WFDC8: variants seen among roughly 807,000 people sequenced by gnomAD.
WFDC8 encodes the protein WAP four-disulfide core domain protein 8.
Under a neutral mutation model 27.0 loss-of-function variants are expected in WFDC8, and 24 were observed. The ratio of observed to expected loss-of-function variants is 0.89; its 90% confidence interval spans 0.64 to 1.25. The LOEUF (loss-of-function observed/expected upper bound fraction) is 1.25, where lower values mean the gene tolerates loss of function less well. Ranked by LOEUF, WFDC8 falls within the 50% of genes most tolerant of loss-of-function variation. The pLI is 0.00. For missense variants in WFDC8, 287 were observed against 295.9 expected (o/e 0.97, Z 0.22); for synonymous variants, 106 against 99.7 (o/e 1.06, Z -0.38).
intron 1 of WFDC8, among the ~76,000 whole-genome samples, chr20:45,563,202 G>A (rs117360918): frequency 0.016 from 2,433 of 152,238 alleles, 30 homozygotes; most frequent in Admixed American, 0.029. Flanking sequence ...CTCTGGTCAT[G>A]GAAATTATGA....
chr20:45,555,862 C>A lies in WFDC8; in HGVS notation c.284G>T (p.Cys95Phe), dbSNP rs760858169. 1.9e-6 allele frequency: 3 copies of A among 1,613,660 alleles called. No homozygotes were observed. ...GTTTCCATGCCTCACAGGTAGCATG[C>A]AGGGTTCTGAGGTCAGGAAGCAAGG... ...KKCMDPFQEPCMLPVRHGNCN... is the reference protein window; with the variant it reads ...KKCMDPFQEPFMLPVRHGNCN... Residue 95 changes from cysteine to phenylalanine, a missense_variant, in exon 4 of 6, where the codon TGC (cysteine) becomes TTC (phenylalanine). Coordinates refer to ENST00000289953, the MANE Select transcript of WFDC8 (RefSeq NM_130896.3).
At chr20:45,551,633 G>A (rs56210135), downstream of WFDC8, 8,999 of 141,352 alleles carry the variant, frequency 0.064, 451 homozygotes, top group East Asian at 0.22. Context: ...AAAAAAAAAA[G>A]AAAGAAAGAA....
chr20:45,559,418 C>G (rs1379416157), intron 2 of WFDC8, among the ~76,000 whole-genome samples: 1 of 152,200 alleles, frequency 6.6e-6, no homozygotes, highest in African/African-American at 2.4e-5. Context: ...CTGGTAAACT[C>G]AAGACCAATC....
intron 1 of WFDC8, chr20:45,568,845 C>A: frequency 9.8e-6 from 3 of 306,114 alleles, no homozygotes; most frequent in South Asian, 9.5e-5. Context: ...GAAAATAGTC[C>A]ATGAAAGAAA....
intron 2 of WFDC8, among the ~76,000 whole-genome samples, chr20:45,561,128 CTCT>C (rs1392573454): frequency 1.3e-5 from 2 of 152,210 alleles, no homozygotes; most frequent in African/African-American, 2.4e-5. Flanking sequence ...TTCTTGTTGG[CTCT>C]TCTTAACCAC....
chr20:45,564,628 C>T (rs1980582691), intron 1 of WFDC8, among the ~76,000 whole-genome samples: 2 of 150,524 alleles, frequency 1.3e-5, no homozygotes, highest in Admixed American at 1.3e-4. Flanking sequence ...GAGCCGAGAT[C>T]GCCGCCACTG....
chr20:45,563,462 G>A (rs1162016291), intron 1 of WFDC8, among the ~76,000 whole-genome samples: 1 of 152,138 alleles, frequency 6.6e-6, no homozygotes, highest in Non-Finnish European at 1.5e-5. Flanking sequence ...GTGTGGCCTG[G>A]GTTCAGTCAC....
chr20:45,555,559 G>C (rs1170904601), intron 4 of WFDC8, 142 bp downstream of exon 4: 6 of 876,674 alleles, frequency 6.8e-6, no homozygotes, highest in Non-Finnish European at 1.0e-5. Flanking sequence ...GCAGGCAACT[G>C]GCCCAAGACC....
At chr20:45,561,478 G>A (rs1980466120) in intron 2 of WFDC8, among the ~76,000 whole-genome samples, 1 of 152,052 alleles carries the variant, frequency 6.6e-6, no homozygotes, top group African/African-American at 2.4e-5. Flanking sequence ...GCATCAACAG[G>A]TCCAGTTTGT....
chr20:45,568,229 A>G, intron 1 of WFDC8: 1 of 255,988 alleles, frequency 3.9e-6, no homozygotes, highest in Non-Finnish European at 8.0e-6. Flanking sequence ...ACAATCATGG[A>G]TGGCTCAAGG....
chr20:45,558,621 T>C (rs1487946266), intron 3 of WFDC8, among the ~76,000 whole-genome samples: 3 of 152,184 alleles, frequency 2.0e-5, no homozygotes, highest in Non-Finnish European at 4.4e-5. Context: ...CAAGTATTAG[T>C]TATTTGTGAA....
intron 1 of WFDC8, among the ~76,000 whole-genome samples, chr20:45,565,282 C>A (rs368776210): frequency 2.0e-4 from 30 of 152,286 alleles, no homozygotes; most frequent in African/African-American, 5.5e-4. Context: ...CCTCCGTCTA[C>A]CCTTTTGAAA....
chr20:45,565,041 AAG>A (rs1436128605), intron 1 of WFDC8, among the ~76,000 whole-genome samples: 7 of 91,860 alleles, frequency 7.6e-5, no homozygotes, highest in African/African-American at 2.6e-4. Context: ...AGGAAGAAGA[AAG>A]GAAGGAAGGA....
At chr20:45,570,623 G>A (rs1160078250) in intron 1 of WFDC8, among the ~76,000 whole-genome samples, 4 of 152,086 alleles carry the variant, frequency 2.6e-5, no homozygotes, top group East Asian at 1.9e-4. Flanking sequence ...ACAAACATTC[G>A]TATAGAGGTA....
intron 1 of WFDC8, chr20:45,568,102 C>A: frequency 2.7e-6 from 1 of 374,148 alleles, no homozygotes; most frequent in Non-Finnish European, 5.4e-6. Context: ...TGTGGGAGAA[C>A]CCAAGAAAAA....
chr20:45,577,819 C>T (rs1377977872), intron 1 of WFDC8, among the ~76,000 whole-genome samples: 2 of 149,146 alleles, frequency 1.3e-5, no homozygotes, highest in Admixed American at 6.7e-5. Context: ...CTAGCCTGGC[C>T]AACACGGTGA....
intron 1 of WFDC8, among the ~76,000 whole-genome samples, chr20:45,572,494 G>A (rs1367809001): frequency 6.6e-6 from 1 of 151,776 alleles, no homozygotes; most frequent in Non-Finnish European, 1.5e-5. Context: ...TAACAGGCAT[G>A]AGGTGATACC....
rs5841599 is a variant in WFDC8, at chr20:45,565,515, A to AT, written c.27-3297dup. On this transcript the variant is annotated intron_variant, in intron 1 of 5. Coordinates refer to ENST00000289953, the MANE Select transcript of WFDC8 (RefSeq NM_130896.3). ...CTTTGATTAAGTCCTTCCTCTTTAAATTTTTTTTTAAAAAAAGCATACTTC... is the reference window on the plus strand; with the variant it reads ...CTTTGATTAAGTCCTTCCTCTTTAAATTTTTTTTTTAAAAAAAGCATACTTC... Among the ~76,000 whole-genome samples, 4 of 151,684 alleles carry AT rather than the reference A, an allele frequency of 2.6e-5. No homozygotes were observed. The South Asian group carries it at 8.3e-4, about 32-fold the overall frequency.
chr20:45,559,048 C>T (rs1473934977), intron 2 of WFDC8, 56 bp from the exon 3 acceptor site: 4 of 1,603,990 alleles, frequency 2.5e-6, no homozygotes, highest in Non-Finnish European at 3.4e-6. Flanking sequence ...CTCTTTTTCT[C>T]CTATGGCAAA....
Sources: gnomAD v4.1 joint callset for allele counts (sites outside exome capture counted in the v4.1 genomes callset) on GRCh38, gnomAD v4.1.1 for gene constraint, MANE v1.5 for transcripts, NCBI Gene and HGNC (gene_info 2026-07-23, HGNC 2026-07-21) for gene names.